CLPB: variants seen among roughly 807,000 people sequenced by gnomAD.
CLPB encodes ClpB family mitochondrial disaggregase.
A neutral mutation model predicts 78.4 loss-of-function variants in CLPB; 40 were observed. The ratio of observed to expected loss-of-function variants is 0.51; its 90% CI spans 0.40 to 0.66. The LOEUF is 0.66. Among genes scored for constraint, CLPB ranks in the 30% least tolerant of loss-of-function variants. The pLI is 0.00. For synonymous variants in CLPB, 333 were observed against 348.0 expected, an observed-to-expected ratio of 0.96 and a Z score of 0.48; for missense variants, 780 against 886.9, an observed-to-expected ratio of 0.88 and a Z score of 1.53.
intron 2 of CLPB, among the ~76,000 whole-genome samples, chr11:72,418,309 T>C (rs995263951): frequency 6.6e-6 from 1 of 152,182 alleles, no homozygotes; most frequent in Non-Finnish European, 1.5e-5. Context: ...GTGACAGGGC[T>C]CACAGCCTAG....
intron 7 of CLPB, among the ~76,000 whole-genome samples, chr11:72,309,329 G>A (rs765803551): frequency 2.0e-5 from 3 of 152,154 alleles, no homozygotes; most frequent in African/African-American, 7.2e-5. Context: ...TCAAGAGGAC[G>A]TATGTAATTA....
intron 7 of CLPB, among the ~76,000 whole-genome samples, chr11:72,311,820 C>T (rs577960188): frequency 6.6e-6 from 1 of 152,348 alleles, no homozygotes; most frequent in East Asian, 1.9e-4. Context: ...CCAGTCCCAT[C>T]GCCACAAGCT....
Position 72,289,449 on chromosome 11 carries a change from TAGAA to T in CLPB, c.*3914_*3917del, listed in dbSNP as rs1165692906. 1 of 151,588 alleles carries T rather than the reference TAGAA, an allele frequency of 6.6e-6. No homozygotes were observed. Among genetic ancestry groups the T allele is most frequent in the Non-Finnish European group, 1.5e-5 (1 of 67,914 alleles). The allele number at this position is 151,588 out of a possible 1,614,324, so 9.4% of individuals were successfully genotyped here. On this transcript the variant is annotated 3_prime_UTR_variant, in exon 16 of 16. Coordinates refer to ENST00000538039, the MANE Select transcript of CLPB (RefSeq NM_001258392.3). ...CTCTATGGGAAGTCTAAACATCAAA[TAGAA>T]AGGAGCAGAAACAGAGATAGCAGGA...
Position 72,329,765 on chromosome 11 carries a change from G to A in CLPB, c.815C>T (p.Pro272Leu), listed in dbSNP as rs1445141261. The A allele has an allele frequency of 6.2e-7, 1 of 1,613,874 alleles. No homozygotes were observed. The highest frequency in any genetic ancestry group is 1.7e-5 in the Admixed American group (1 of 59,994). ...TTCCCCTTCTCGGGCATAATCCAAG[G>A]GTGTGTGTCCCATTTCATTCCTCTG... ...PLQRNEMGHT[P>L]LDYAREGEVM... The change falls in exon 6 of 16, where the codon CCC becomes CTC. Residue 272 changes from proline to leucine, a missense_variant. This residue lies in a region of CLPB where 417 missense variants were observed against 414.7 expected (regional missense o/e 1.01). Transcript: ENST00000538039.
intron 4 of CLPB, among the ~76,000 whole-genome samples, chr11:72,370,492 C>G (rs538006290): frequency 6.6e-6 from 1 of 152,156 alleles, no homozygotes; most frequent in African/African-American, 2.4e-5. Flanking sequence ...TGTGACAAGG[C>G]TCTGAGTGAG....
intron 4 of CLPB, among the ~76,000 whole-genome samples, chr11:72,375,195 A>G (rs1391686440): frequency 6.6e-6 from 1 of 152,152 alleles, no homozygotes; most frequent in Non-Finnish European, 1.5e-5. Context: ...TATCCCTAAA[A>G]AGTCAAGAAC....
At chr11:72,302,437 A>G (rs2135502084) in intron 9 of CLPB, 89 bp from the exon 10 acceptor site, 1 of 1,066,830 alleles carries the variant, frequency 9.4e-7, no homozygotes, top group Non-Finnish European at 1.5e-6. Context: ...ACTATCCCCA[A>G]GGCTTTCACA....
chr11:72,325,443 G>A (rs1363137986), intron 6 of CLPB, among the ~76,000 whole-genome samples: 2 of 152,150 alleles, frequency 1.3e-5, no homozygotes, highest in African/African-American at 4.8e-5. Flanking sequence ...TCAGGGACAG[G>A]GGCTGGGCCT....
At chr11:72,376,025 G>A (rs1369855227) in intron 4 of CLPB, among the ~76,000 whole-genome samples, 1 of 152,146 alleles carries the variant, frequency 6.6e-6, no homozygotes, top group African/African-American at 2.4e-5. Flanking sequence ...CATGGACTTG[G>A]CAGTGACTCC....
intron 3 of CLPB, among the ~76,000 whole-genome samples, chr11:72,382,082 G>A (rs1854933452): frequency 6.6e-6 from 1 of 151,626 alleles, no homozygotes; most frequent in African/African-American, 2.4e-5. Context: ...ACAGACCCAG[G>A]CTCCGTGCCT....
At chr11:72,425,239 T>C (rs1328172285) in intron 2 of CLPB, among the ~76,000 whole-genome samples, 1 of 152,252 alleles carries the variant, frequency 6.6e-6, no homozygotes, top group Non-Finnish European at 1.5e-5. Flanking sequence ...AGTTGCATAA[T>C]TAGTTATCTG....
chr11:72,421,733 C>G (rs939096043), intron 2 of CLPB, among the ~76,000 whole-genome samples: 5 of 152,198 alleles, frequency 3.3e-5, no homozygotes, highest in Non-Finnish European at 4.4e-5. Context: ...AGTTGACCAC[C>G]TGCTCCCACA....
At chr11:72,363,994 T>A (rs888403773) in intron 4 of CLPB, among the ~76,000 whole-genome samples, 1 of 152,206 alleles carries the variant, frequency 6.6e-6, no homozygotes, top group Non-Finnish European at 1.5e-5. Flanking sequence ...AGCAGAGCAC[T>A]TGCCCCTTCT....
In CLPB at chr11:72,366,837, C is replaced by G. The variant is rs139170045; in HGVS notation, c.647-7829G>C. 6.1e-3 allele frequency among the ~76,000 whole-genome samples: 924 copies of G among 152,232 alleles called. 14 individuals are homozygous for G. The highest frequency in any genetic ancestry group is 0.021 in the African/African-American group (885 of 41,544). ...CTGTTTGGAGATTTCTCAGAGAACTCAGAACTACCATTCAACCCAGAAATC... is the reference window on the plus strand; with the variant it reads ...CTGTTTGGAGATTTCTCAGAGAACTGAGAACTACCATTCAACCCAGAAATC... On this transcript the variant is annotated intron_variant, in intron 4 of 15. Transcript: ENST00000538039.
intron 4 of CLPB, among the ~76,000 whole-genome samples, chr11:72,366,754 AAG>A (rs1472569645): frequency 2.0e-5 from 3 of 152,174 alleles, no homozygotes; most frequent in African/African-American, 7.2e-5. Flanking sequence ...CTGTAGAGAA[AAG>A]AGAATGCTTA....
At chr11:72,418,938 T>C (rs1856107487) in intron 2 of CLPB, among the ~76,000 whole-genome samples, 1 of 151,984 alleles carries the variant, frequency 6.6e-6, no homozygotes, top group Non-Finnish European at 1.5e-5. Flanking sequence ...GACGACTGAT[T>C]GCCTTAGAAG....
chr11:72,296,106 C>T (rs472837), intron 11 of CLPB, among the ~76,000 whole-genome samples: 16,462 of 152,088 alleles, frequency 0.11, 1,665 homozygotes, highest in African/African-American at 0.26. Context: ...CAATATGTTA[C>T]GTATGATAAT....
At chr11:72,344,487 C>T (rs1950477117) in intron 5 of CLPB, among the ~76,000 whole-genome samples, 1 of 152,090 alleles carries the variant, frequency 6.6e-6, no homozygotes, top group African/African-American at 2.4e-5. Context: ...GGTGGGATTG[C>T]AGGGGTAAGA....
At chr11:72,352,868 C>T (rs1169455239) in intron 5 of CLPB, 1 of 152,228 alleles carries the variant, frequency 6.6e-6, no homozygotes, top group Non-Finnish European at 1.5e-5. Context: ...ATCCTAACTT[C>T]TTTATTTTAC....
Sources: gnomAD v4.1 joint callset for allele counts (sites outside exome capture counted in the v4.1 genomes callset) on GRCh38, gnomAD v4.1.1 for gene constraint, gnomAD v4.1.1 regional missense constraint, MANE v1.5 for transcripts, NCBI Gene and HGNC (gene_info 2026-07-23, HGNC 2026-07-21) for gene names.